ADAMTSL1: variants seen among roughly 807,000 people sequenced by gnomAD.
ADAMTSL1 encodes the protein ADAMTS like 1, also known as ADAMTS-like protein 1.
A neutral mutation model predicts 201.8 loss-of-function variants in ADAMTSL1; 126 were observed. The observed-to-expected ratio is 0.62, with a 90% CI of 0.54 to 0.72. The LOEUF is 0.72. ADAMTSL1 is among the 30% of genes least tolerant of loss of function. The pLI is 0.00. For synonymous variants in ADAMTSL1, 1,121 were observed against 903.4 expected, an observed-to-expected ratio of 1.24 and a Z score of -4.32; for missense variants, 2,679 against 2,277.8, an observed-to-expected ratio of 1.18 and a Z score of -3.59.
Position 18,503,421 on chromosome 9 carries a change from G to GTATATATATATATATA in ADAMTSL1, c.64-1403_64-1388dup, listed in dbSNP as rs10673652. On this transcript the variant is annotated intron_variant, in intron 1 of 28. Coordinates refer to ENST00000380548, the MANE Select transcript of ADAMTSL1 (RefSeq NM_001040272.6). ...TTAAGGCTGAATAGTATTCCATTGT[G>GTATATATATATATATA]TATATATATATATATATATACCACA... Among the ~76,000 whole-genome samples the GTATATATATATATATA allele has an allele frequency of 1.7e-3, 194 of 115,262 alleles. 3 individuals carry two copies. The highest frequency in any genetic ancestry group is 5.7e-3 in the African/African-American group (186 of 32,564). 75.6% of individuals were successfully genotyped at this position (115,262 alleles called of 152,430 possible).
chr9:18,509,230 A>T (rs1252152598), intron 2 of ADAMTSL1, among the ~76,000 whole-genome samples: 1 of 84,780 alleles, frequency 1.2e-5, no homozygotes, highest in East Asian at 2.2e-4. Context: ...AAAAAAAAAA[A>T]AAGAAATAGA....
intron 15 of ADAMTSL1, among the ~76,000 whole-genome samples, chr9:18,725,116 T>C (rs181044614): frequency 0.018 from 2,814 of 152,154 alleles, 35 homozygotes; most frequent in Non-Finnish European, 0.031. Flanking sequence ...CCATGTTAGC[T>C]AGGATGGTCT....
At chr9:18,416,298 A>G (rs1052685097) in intron 2 of ADAMTSL1, among the ~76,000 whole-genome samples, 2 of 152,132 alleles carry the variant, frequency 1.3e-5, no homozygotes, top group Admixed American at 1.3e-4. Context: ...TAAGTTGAAG[A>G]GATATACTAT....
At chr9:18,098,316 A>G (rs1221940649) in intron 1 of ADAMTSL1, among the ~76,000 whole-genome samples, 3 of 152,140 alleles carry the variant, frequency 2.0e-5, no homozygotes, top group Admixed American at 2.0e-4. Flanking sequence ...TAAGGTTTAT[A>G]ATCAGTTTAT....
intron 23 of ADAMTSL1, among the ~76,000 whole-genome samples, chr9:18,830,733 G>T (rs369871305): frequency 6.6e-6 from 1 of 152,072 alleles, no homozygotes; most frequent in Non-Finnish European, 1.5e-5. Context: ...GCCTGGTGGG[G>T]GGGTGGGGAA....
intron 2 of ADAMTSL1, among the ~76,000 whole-genome samples, chr9:18,173,009 G>GATGCT (rs956831140): frequency 7.2e-5 from 11 of 152,044 alleles, no homozygotes; most frequent in African/African-American, 2.7e-4. Flanking sequence ...ATTGGGTTGG[G>GATGCT]ATGCTATGCA....
intron 2 of ADAMTSL1, among the ~76,000 whole-genome samples, chr9:18,522,330 C>G (rs186698754): frequency 2.5e-4 from 38 of 152,208 alleles, no homozygotes; most frequent in East Asian, 2.1e-3. Context: ...AACAATGTAT[C>G]TGCAGAAAAT....
At chr9:18,792,350 A>C (rs949591781) in intron 19 of ADAMTSL1, among the ~76,000 whole-genome samples, 1 of 152,228 alleles carries the variant, frequency 6.6e-6, no homozygotes, top group African/African-American at 2.4e-5. Context: ...TGGTAAACTG[A>C]AATAGAGGAA....
At chr9:18,641,259 G>T (rs1827417244) in intron 7 of ADAMTSL1, among the ~76,000 whole-genome samples, 1 of 152,000 alleles carries the variant, frequency 6.6e-6, no homozygotes, top group African/African-American at 2.4e-5. Context: ...ATTTCTGTCT[G>T]TATCTCCCCA....
chr9:18,697,091 C>T (rs1831605357), intron 13 of ADAMTSL1, among the ~76,000 whole-genome samples: 1 of 151,738 alleles, frequency 6.6e-6, no homozygotes, highest in African/African-American at 2.4e-5. Flanking sequence ...ACCATGTTGG[C>T]CAGGATGGTC....
chr9:18,533,619 A>G (rs1447182765), intron 3 of ADAMTSL1, among the ~76,000 whole-genome samples: 1 of 152,226 alleles, frequency 6.6e-6, no homozygotes, highest in Non-Finnish European at 1.5e-5. Context: ...GGTATCATGA[A>G]ATAAATATTT....
At chr9:17,940,597 A>C (rs1827195829) in intron 1 of ADAMTSL1, among the ~76,000 whole-genome samples, 1 of 151,956 alleles carries the variant, frequency 6.6e-6, no homozygotes, top group Admixed American at 6.6e-5. Flanking sequence ...CCTGGAAGGC[A>C]TTTGGAAATG....
At chr9:18,475,139 C>A (rs190608607) in intron 1 of ADAMTSL1, among the ~76,000 whole-genome samples, 3 of 152,218 alleles carry the variant, frequency 2.0e-5, no homozygotes, top group East Asian at 3.9e-4. Context: ...CTTAGTAAAC[C>A]TCATCTGAAG....
intron 23 of ADAMTSL1, among the ~76,000 whole-genome samples, chr9:18,879,352 T>C (rs967001545): frequency 3.3e-5 from 5 of 152,214 alleles, no homozygotes; most frequent in African/African-American, 9.6e-5. Context: ...CATGAATCTG[T>C]GTAACTAACC....
intron 2 of ADAMTSL1, among the ~76,000 whole-genome samples, chr9:18,528,196 T>G (rs1185733294): frequency 3.3e-5 from 5 of 152,062 alleles, no homozygotes; most frequent in Non-Finnish European, 5.9e-5. Context: ...TATTTTTATT[T>G]TTATTTTATT....
chr9:18,182,682 A>G (rs1425924654), intron 2 of ADAMTSL1, among the ~76,000 whole-genome samples: 3 of 152,242 alleles, frequency 2.0e-5, no homozygotes, highest in Non-Finnish European at 4.4e-5. Flanking sequence ...ATCAGACACT[A>G]AGTTATGAAT....
At position 18,682,028 on chromosome 9, in the gene ADAMTSL1, T is replaced by C. The variant is rs16936967; in HGVS notation, c.1489+69T>C. ...TGTAGTCAGGTGTGTTTTAAACTCC[T>C]TGGAATATTTTTAAGTATCCCAAGT... On this transcript the variant is annotated intron_variant, in intron 12 of 28. Transcript: ENST00000380548. The C allele has an allele frequency of 7.5e-3, 11,195 of 1,501,038 alleles. 630 individuals are homozygous for C. In the African/African-American group the frequency reaches 0.13, roughly 17 times the overall value. 93.0% of individuals were successfully genotyped at this position (1,501,038 alleles called of 1,614,324 possible). A position where few individuals can be genotyped will look rare whatever the true frequency, so the allele number is the denominator to read the frequency against.
intron 26 of ADAMTSL1, among the ~76,000 whole-genome samples, chr9:18,898,946 G>A (rs192079047): frequency 2.4e-4 from 36 of 152,274 alleles, no homozygotes; most frequent in Admixed American, 1.5e-3. Context: ...GGAAGTTCTC[G>A]CCAGGGCAAT....
chr9:17,964,116 G>C (rs1817878304), intron 1 of ADAMTSL1, among the ~76,000 whole-genome samples: 1 of 152,110 alleles, frequency 6.6e-6, no homozygotes, highest in African/African-American at 2.4e-5. Flanking sequence ...TGATCAAAAA[G>C]TTTACAAACT....
Sources: gnomAD v4.1 joint callset for allele counts (sites outside exome capture counted in the v4.1 genomes callset) on GRCh38, gnomAD v4.1.1 for gene constraint, MANE v1.5 for transcripts, NCBI Gene and HGNC (gene_info 2026-07-23, HGNC 2026-07-21) for gene names.